Variants in FAF1 observed in about 807,000 individuals in gnomAD.
FAF1 encodes FAS-associated factor 1.
FAF1 carries 25 observed loss-of-function variants against 92.5 expected under a neutral mutation model. That is an observed-to-expected ratio of 0.27 (90% CI 0.20 to 0.38). The LOEUF (loss-of-function observed/expected upper bound fraction) is 0.38, where lower values mean the gene tolerates loss of function less well. Ranked by LOEUF, FAF1 falls within the 10% of genes least tolerant of loss-of-function variation. The probability of loss-of-function intolerance (pLI) is 1.00; values close to 1 mark genes in which losing one functional copy is unlikely to be tolerated. For missense variants in FAF1, 636 were observed against 793.3 expected, an observed-to-expected ratio of 0.80 and a Z score of 2.38; for synonymous variants, 234 against 273.2, an observed-to-expected ratio of 0.86 and a Z score of 1.42.
At chr1:50,624,923 A>G (rs1653424213) in intron 8 of FAF1, among the ~76,000 whole-genome samples, 1 of 141,938 alleles carries the variant, frequency 7.0e-6, no homozygotes, top group East Asian at 2.0e-4. Flanking sequence ...TTTTTTGAGA[A>G]GCAGTTTTGC....
At chr1:50,549,746 G>T (rs1487059477) in intron 13 of FAF1, among the ~76,000 whole-genome samples, 1 of 151,968 alleles carries the variant, frequency 6.6e-6, no homozygotes, top group African/African-American at 2.4e-5. Context: ...CTGCACTTCA[G>T]CCTAGGTGAC....
At chr1:50,603,197 C>T (rs915112761) in intron 8 of FAF1, among the ~76,000 whole-genome samples, 1 of 152,184 alleles carries the variant, frequency 6.6e-6, no homozygotes, top group Non-Finnish European at 1.5e-5. Flanking sequence ...ATTAAAACAG[C>T]TACTCCTAGA....
chr1:50,675,634 G>A (rs1463296659), intron 7 of FAF1, among the ~76,000 whole-genome samples: 1 of 152,172 alleles, frequency 6.6e-6, no homozygotes. Context: ...TTGGCAACCA[G>A]TGCACATTTA....
intron 18 of FAF1, among the ~76,000 whole-genome samples, chr1:50,443,403 G>A (rs764661921): frequency 6.6e-5 from 10 of 152,174 alleles, no homozygotes; most frequent in Non-Finnish European, 7.3e-5. Context: ...ATTTGAGAAG[G>A]AGGAAACTAA....
At chr1:50,665,239 T>A (rs1045107165) in intron 7 of FAF1, among the ~76,000 whole-genome samples, 6 of 152,228 alleles carry the variant, frequency 3.9e-5, no homozygotes, top group African/African-American at 1.4e-4. Context: ...ACTTTAAAGA[T>A]TGGACACATG....
intron 2 of FAF1, among the ~76,000 whole-genome samples, chr1:50,855,319 GTGTT>G (rs1644382192): frequency 6.6e-6 from 1 of 151,728 alleles, no homozygotes. Context: ...CTCACTGAAT[GTGTT>G]TTTTTATTAG....
intron 1 of FAF1, among the ~76,000 whole-genome samples, chr1:50,917,816 T>C (rs1198889720): frequency 2.0e-5 from 3 of 152,074 alleles, no homozygotes; most frequent in South Asian, 4.1e-4. Context: ...AATAAAAAGG[T>C]AAGTCACACA....
chr1:50,932,850 G>A (rs532529204), intron 1 of FAF1, among the ~76,000 whole-genome samples: 5 of 152,302 alleles, frequency 3.3e-5, no homozygotes, highest in South Asian at 2.1e-4. Flanking sequence ...TTCTGAAATC[G>A]AGGCAGAAGT....
intron 7 of FAF1, among the ~76,000 whole-genome samples, chr1:50,667,588 G>GT (rs1425762916): frequency 6.6e-6 from 1 of 152,118 alleles, no homozygotes. Flanking sequence ...CTGCCCACTT[G>GT]TTTTTTATAG....
chr1:50,803,608 G>C (rs1423927437), intron 2 of FAF1, among the ~76,000 whole-genome samples: 1 of 152,094 alleles, frequency 6.6e-6, no homozygotes, highest in Non-Finnish European at 1.5e-5. Context: ...GGAATACAAA[G>C]AAAAGTCACC....
intron 15 of FAF1, among the ~76,000 whole-genome samples, chr1:50,532,923 C>T (rs11205729): frequency 0.092 from 14,062 of 152,164 alleles, 836 homozygotes; most frequent in African/African-American, 0.17. Context: ...GTGATTCTCC[C>T]ACCTGAGCCT....
intron 15 of FAF1, among the ~76,000 whole-genome samples, chr1:50,505,750 C>A (rs1647051048): frequency 6.6e-6 from 1 of 152,062 alleles, no homozygotes; most frequent in African/African-American, 2.4e-5. Context: ...TCCCCAAGGC[C>A]AAAAATATTT....
At chr1:50,636,060 G>A (rs1474124335) in intron 8 of FAF1, among the ~76,000 whole-genome samples, 1 of 152,132 alleles carries the variant, frequency 6.6e-6, no homozygotes. Context: ...AGGGAGGGGA[G>A]ACAGATTTGA....
At chr1:50,641,313 T>C (rs1427590265) in intron 8 of FAF1, among the ~76,000 whole-genome samples, 1 of 152,194 alleles carries the variant, frequency 6.6e-6, no homozygotes. Context: ...GCCTTTTAAA[T>C]ATAAGCATTT....
intron 6 of FAF1, among the ~76,000 whole-genome samples, chr1:50,724,304 C>CACACATAT (rs1553132420): frequency 7.2e-6 from 1 of 138,440 alleles, no homozygotes; most frequent in African/African-American, 2.8e-5. Context: ...CATACACACA[C>CACACATAT]ACACACACAC....
intron 8 of FAF1, among the ~76,000 whole-genome samples, chr1:50,631,426 C>A (rs193211789): frequency 1.3e-5 from 2 of 152,060 alleles, no homozygotes; most frequent in Non-Finnish European, 2.9e-5. Flanking sequence ...TTTAGTAGAC[C>A]TTATCAGATT....
intron 7 of FAF1, among the ~76,000 whole-genome samples, chr1:50,673,180 C>T (rs971916499): frequency 2.0e-5 from 3 of 151,954 alleles, no homozygotes; most frequent in Admixed American, 1.3e-4. Context: ...ATTGCTTGAA[C>T]CCGGGAGGCA....
intron 2 of FAF1, among the ~76,000 whole-genome samples, chr1:50,846,059 G>T (rs948359844): frequency 6.6e-6 from 1 of 152,092 alleles, no homozygotes; most frequent in African/African-American, 2.4e-5. Context: ...AGGAGATGGA[G>T]GTTGCAGTGA....
At chr1:50,786,238 A>C (rs1415156833) in intron 4 of FAF1, among the ~76,000 whole-genome samples, 1 of 152,250 alleles carries the variant, frequency 6.6e-6, no homozygotes, top group Non-Finnish European at 1.5e-5. Context: ...GACTAAAAAA[A>C]ATGTGATATA....
Sources: gnomAD v4.1 joint callset for allele counts (sites outside exome capture counted in the v4.1 genomes callset) on GRCh38, gnomAD v4.1.1 for gene constraint, MANE v1.5 for transcripts, NCBI Gene and HGNC (gene_info 2026-07-23, HGNC 2026-07-21) for gene names.